Variants in AATF observed in about 807,000 individuals in gnomAD.
The protein encoded by AATF is protein AATF.
AATF carries 48 observed loss-of-function variants against 63.7 expected under a neutral mutation model. The observed-to-expected ratio is 0.75, with a 90% CI of 0.60 to 0.96. The LOEUF (loss-of-function observed/expected upper bound fraction) is 0.96. Ranked by LOEUF, AATF falls within the 40% of genes least tolerant of loss-of-function variation. The pLI, the probability that AATF is intolerant of heterozygous loss-of-function variation, is 0.00. For missense variants in AATF, 639 were observed against 685.7 expected (o/e 0.93, Z 0.76); for synonymous variants, 258 against 247.7 (o/e 1.04, Z -0.39).
chr17:36,988,930 A>T (rs918140481), intron 6 of AATF, among the ~76,000 whole-genome samples: 1 of 152,198 alleles, frequency 6.6e-6, no homozygotes, highest in African/African-American at 2.4e-5. Context: ...AGAATGTTTT[A>T]TTCTTAAAAT....
intron 8 of AATF, among the ~76,000 whole-genome samples, chr17:37,017,178 T>A (rs923529599): frequency 2.0e-5 from 3 of 152,218 alleles, no homozygotes; most frequent in Admixed American, 1.3e-4. Flanking sequence ...GTGACCCTGA[T>A]TGCCCAGTCT....
rs1023348995 is a variant in AATF at position 36,949,021 on chromosome 17, G to T, written c.-105G>T. 1.8e-6 allele frequency: 2 copies of T among 1,097,562 alleles called. No homozygotes were observed. Among genetic ancestry groups the T allele is most frequent in the African/African-American group, 1.6e-5 (1 of 63,050 alleles). The allele number at this position is 1,097,562 out of a possible 1,614,324, so 68.0% of individuals were successfully genotyped here. ...CCGCGCGGTCTCTGGCGGAGTCGGG[G>T]AATCGGATCAAGGCGAGAGGATCCG... On this transcript the variant is annotated 5_prime_UTR_variant, in exon 1 of 12. Coordinates refer to ENST00000619387, the MANE Select transcript of AATF (RefSeq NM_012138.4).
rs80264495 is a variant in AATF at position 36,992,106 on chromosome 17, G to T, written c.1398+1249G>T. 3.3e-3 allele frequency among the ~76,000 whole-genome samples: 503 copies of T among 152,266 alleles called. 4 individuals carry two copies. The highest frequency in any genetic ancestry group is 0.012 in the African/African-American group (489 of 41,536). On this transcript the variant is annotated intron_variant, in intron 8 of 11. Coordinates refer to ENST00000619387, the MANE Select transcript of AATF (RefSeq NM_012138.4). ...CCATGACTGCTGTACTGTGTATATG[G>T]ATATGAAGAAGAACTTCTTAGGAAA... is the stretch of plus-strand genomic sequence containing the variant.
intron 4 of AATF, among the ~76,000 whole-genome samples, chr17:36,960,834 T>G (rs1044631084): frequency 1.3e-5 from 2 of 152,222 alleles, no homozygotes; most frequent in Admixed American, 6.5e-5. Context: ...GTGAGTAAGA[T>G]TGATCTTTTT....
intron 4 of AATF, among the ~76,000 whole-genome samples, chr17:36,960,192 G>T (rs112163644): frequency 0.037 from 5,669 of 152,062 alleles, 355 homozygotes; most frequent in African/African-American, 0.13. Flanking sequence ...TTTTGTATTT[G>T]TAGTAGAGAC....
chr17:37,033,511 G>A lies in AATF; in HGVS notation c.1619+1826G>A, dbSNP rs146767816. Among the ~76,000 whole-genome samples the A allele has an allele frequency of 2.0e-4, 30 of 152,208 alleles. No individual in the cohort carries two copies. In the East Asian group the frequency reaches 5.6e-3, roughly 28 times the overall value. ...TTGGAATTTTACTTGAATCCCTTGAGGTGTACTTAGTTTTTCCAGAATCTT... is the reference window on the plus strand; with the variant it reads ...TTGGAATTTTACTTGAATCCCTTGAAGTGTACTTAGTTTTTCCAGAATCTT... On this transcript the variant is annotated intron_variant, in intron 11 of 11. Coordinates refer to ENST00000619387, the MANE Select transcript of AATF (RefSeq NM_012138.4).
intron 8 of AATF, among the ~76,000 whole-genome samples, chr17:36,992,705 G>A (rs555133649): frequency 1.2e-4 from 18 of 149,330 alleles, no homozygotes; most frequent in Non-Finnish European, 2.4e-4. Flanking sequence ...TTTTAACTTC[G>A]ATAAATTCTG....
At chr17:37,035,285 T>G (rs2071582722) in intron 11 of AATF, among the ~76,000 whole-genome samples, 1 of 151,490 alleles carries the variant, frequency 6.6e-6, no homozygotes, top group Non-Finnish European at 1.5e-5. Context: ...ATGGCACTAT[T>G]TGGGCTCACT....
At chr17:37,008,433 A>G (rs2071358194) in intron 8 of AATF, among the ~76,000 whole-genome samples, 1 of 152,244 alleles carries the variant, frequency 6.6e-6, no homozygotes, top group Non-Finnish European at 1.5e-5. Flanking sequence ...TTACACTTAG[A>G]TTGAACTGTG....
chr17:37,018,874 C>A, intron 8 of AATF, 131 bp from the exon 9 acceptor site: 1 of 710,946 alleles, frequency 1.4e-6, no homozygotes. Context: ...ATGCTCTTGC[C>A]ACTGGGTTGT....
chr17:36,953,552 C>T (rs971448365), intron 3 of AATF, among the ~76,000 whole-genome samples: 1 of 152,122 alleles, frequency 6.6e-6, no homozygotes, highest in African/African-American at 2.4e-5. Flanking sequence ...TTTCTCCTCT[C>T]CTTGGGTTTT....
intron 8 of AATF, among the ~76,000 whole-genome samples, chr17:36,997,690 G>C (rs373282897): frequency 5.9e-5 from 9 of 152,164 alleles, no homozygotes; most frequent in Non-Finnish European, 1.2e-4. Context: ...ACTAAAAATA[G>C]AACTACCATT....
chr17:37,049,731 C>T (rs757090289), intron 11 of AATF, among the ~76,000 whole-genome samples: 1 of 152,014 alleles, frequency 6.6e-6, no homozygotes, highest in Non-Finnish European at 1.5e-5. Context: ...AATGGAGGCA[C>T]GTGCTTTATT....
At chr17:36,964,583 G>A (rs951373948) in intron 4 of AATF, among the ~76,000 whole-genome samples, 7 of 152,120 alleles carry the variant, frequency 4.6e-5, no homozygotes, top group Non-Finnish European at 7.4e-5. Context: ...ACTAGGACAG[G>A]GAAGAATTGG....
chr17:37,002,453 G>T (rs2071306619), intron 8 of AATF, among the ~76,000 whole-genome samples: 1 of 151,510 alleles, frequency 6.6e-6, no homozygotes, highest in South Asian at 2.1e-4. Context: ...AGATCACAAG[G>T]TCAGGAGATT....
intron 4 of AATF, among the ~76,000 whole-genome samples, chr17:36,984,563 C>T (rs1413386971): frequency 6.6e-6 from 1 of 152,160 alleles, no homozygotes; most frequent in East Asian, 1.9e-4. Context: ...CTCTCAGTGT[C>T]TAGTTAGCCC....
intron 11 of AATF, among the ~76,000 whole-genome samples, chr17:37,038,862 C>T (rs1567993409): frequency 6.6e-6 from 1 of 152,292 alleles, no homozygotes; most frequent in Non-Finnish European, 1.5e-5. Flanking sequence ...TATTGTTTTA[C>T]ATCTGGAGTT....
chr17:36,989,342 T>C lies in AATF; in HGVS notation c.1245T>C (p.Ser415=), dbSNP rs1045056. ...TTCGAAGGACACAGACCAAGCGCTC[T>C]GTCTATCGAGTTCTTGGCAAACCTG... ...RLLRRTQTKR[S]VYRVLGKPEP... is the part of the protein sequence containing the mutation. The change falls in exon 7 of 12, where the codon TCT becomes TCC. Residue 415 remains serine (S), a synonymous_variant. Coordinates refer to ENST00000619387, the MANE Select transcript of AATF (RefSeq NM_012138.4). 458,839 of 1,613,668 alleles carry C rather than the reference T, an allele frequency of 0.28. 69,465 individuals carry two copies. The highest frequency in any genetic ancestry group is 0.36 in the Middle Eastern group (2,193 of 6,026).
intron 8 of AATF, among the ~76,000 whole-genome samples, chr17:37,013,486 A>G (rs546429112): frequency 2.6e-5 from 4 of 152,278 alleles, no homozygotes; most frequent in African/African-American, 7.2e-5. Flanking sequence ...TTCATGAAGG[A>G]AGGCGGAGGG....
Sources: allele counts gnomAD v4.1 joint callset (sites outside exome capture counted in the v4.1 genomes callset), GRCh38; gene constraint gnomAD v4.1.1; transcripts MANE v1.5; gene names NCBI Gene and HGNC (gene_info 2026-07-23, HGNC 2026-07-21).